Variants in COL28A1 observed in about 807,000 individuals in gnomAD.
COL28A1 encodes the protein collagen alpha-1(XXVIII) chain.
In COL28A1, 161 loss-of-function variants were observed where a neutral mutation model predicts 150.2. The ratio of observed to expected loss-of-function variants is 1.07; its 90% CI spans 0.94 to 1.22. The LOEUF (loss-of-function observed/expected upper bound fraction) is 1.22, where lower values mean the gene tolerates loss of function less well. Among genes scored for constraint, COL28A1 ranks in the 50% most tolerant of loss-of-function variants. The pLI is 0.00. For missense variants in COL28A1, 1,617 were observed against 1,388.3 expected, an observed-to-expected ratio of 1.16 and a Z score of -2.62; for synonymous variants, 552 against 469.7, an observed-to-expected ratio of 1.18 and a Z score of -2.26.
At chr7:7,350,691 A>G in the COL28A1 span, among the ~76,000 whole-genome samples, 1 of 140,894 alleles carries the variant, frequency 7.1e-6, no homozygotes, top group Non-Finnish European at 1.5e-5. Context: ...GCTGAAGGCA[A>G]GTCTCAGCAG....
At chr7:7,517,479 ATTCT>A (rs1457235105) in intron 7 of COL28A1, among the ~76,000 whole-genome samples, 1 of 152,184 alleles carries the variant, frequency 6.6e-6, no homozygotes, top group Non-Finnish European at 1.5e-5. Flanking sequence ...ATTCTAACTT[ATTCT>A]TTATCTTAAA....
intron 33 of COL28A1, among the ~76,000 whole-genome samples, chr7:7,362,312 G>C (rs919003343): frequency 2.0e-5 from 3 of 151,880 alleles, no homozygotes; most frequent in Non-Finnish European, 4.4e-5. Flanking sequence ...ATTCACCTGA[G>C]TCCTGACACT....
Position 7,361,853 on chromosome 7 carries a change from T to TAAA in COL28A1, c.3067-1328_3067-1326dup, listed in dbSNP as rs3067776. ...TACACCATGGAATACTATGCAGCCA[T>TAAA]AAAAACATGAGTTCATGTCCTTTGC... is the stretch of plus-strand genomic sequence containing the variant. On this transcript the variant is annotated intron_variant, in intron 33 of 34. Coordinates refer to ENST00000399429, the MANE Select transcript of COL28A1 (RefSeq NM_001037763.3). Among the ~76,000 whole-genome samples the TAAA allele has an allele frequency of 3.4e-4, 50 of 148,722 alleles. No individual in the cohort carries two copies. The East Asian group carries it at 8.8e-3, about 26-fold the overall frequency.
intron 15 of COL28A1, among the ~76,000 whole-genome samples, chr7:7,471,125 T>TAAAAAAAAAAAAAAAAAA (rs746981344): frequency 1.7e-4 from 15 of 88,504 alleles, no homozygotes; most frequent in Non-Finnish European, 2.1e-4. Context: ...AAAAAATAAT[T>TAAAAAAAAAAAAAAAAAA]AAAAAAAAAA....
downstream of COL28A1, among the ~76,000 whole-genome samples, chr7:7,352,989 C>G (rs1011903784): frequency 6.6e-6 from 1 of 152,258 alleles, no homozygotes; most frequent in Middle Eastern, 3.4e-3. Flanking sequence ...AAAGGTGAAG[C>G]CTGGGGCTGA....
At chr7:7,378,268 T>A (rs1781673405) in intron 30 of COL28A1, among the ~76,000 whole-genome samples, 1 of 152,192 alleles carries the variant, frequency 6.6e-6, no homozygotes, top group Admixed American at 6.5e-5. Context: ...CCACATTTGA[T>A]AAACACATTC....
chr7:7,524,246 T>A lies in COL28A1; in HGVS notation c.685A>T (p.Ile229Phe). ...GTGCTTACCTTCTTTTCAAATAAGA[T>A]ATCCTACAAGGGAAAAAAGAATGAA... Reference protein sequence around the residue: ...LVDKIQDRLDILFEKKCERKI... With the variant: ...LVDKIQDRLDFLFEKKCERKI... Residue 229 changes from isoleucine (I) to phenylalanine (F), a missense_variant, in exon 4 of 35, where the codon ATC becomes TTC. Ile to Phe is a conservative substitution (Grantham distance 21, BLOSUM62 0). Transcript: ENST00000399429. 1 of 1,367,188 alleles carries A rather than the reference T, an allele frequency of 7.3e-7. No homozygotes were observed. Among genetic ancestry groups the A allele is most frequent in the Non-Finnish European group, 1.0e-6 (1 of 955,112 alleles). The allele number at this position is 1,367,188 out of a possible 1,614,324, so 84.7% of individuals were successfully genotyped here.
chr7:7,515,591 C>A (rs1287037496), intron 8 of COL28A1, among the ~76,000 whole-genome samples: 2 of 152,200 alleles, frequency 1.3e-5, no homozygotes, highest in Non-Finnish European at 2.9e-5. Context: ...GTTTGCAAAG[C>A]TGAAGGAGGC....
the COL28A1 span, among the ~76,000 whole-genome samples, chr7:7,541,706 T>C: frequency 2.6e-5 from 4 of 152,208 alleles, no homozygotes; most frequent in Non-Finnish European, 5.9e-5. Context: ...AGTTGCTTTC[T>C]ACAGCTTTTT....
intron 3 of COL28A1, among the ~76,000 whole-genome samples, chr7:7,529,711 T>G (rs1782240279): frequency 2.0e-5 from 3 of 152,224 alleles, no homozygotes; most frequent in African/African-American, 4.8e-5. Flanking sequence ...TCTTCTATGG[T>G]CAGCTCTTAT....
chr7:7,382,642 A>G (rs1347109813), intron 27 of COL28A1, among the ~76,000 whole-genome samples: 2 of 152,146 alleles, frequency 1.3e-5, no homozygotes, highest in Admixed American at 6.5e-5. Context: ...CTGGATAATT[A>G]TTAGTAATGA....
chr7:7,531,856 C>T lies in COL28A1; in HGVS notation c.173G>A (p.Ser58Asn), dbSNP rs1233331731. 6.2e-7 allele frequency: 1 copy of T among 1,610,006 alleles called. No individual in the cohort carries two copies. Residue 58 changes from serine to asparagine, a missense_variant, in exon 3 of 35, where the codon AGT becomes AAT. Transcript: ENST00000399429. ...DIVFIVDSSE[S>N]SKIALFDKQK... Reference sequence around the variant, plus strand: ...TTTATCAAAGAGGGCAATTTTAGAACTTTCAGAGCTGTCCACGATGAAGAC... The same window carrying T: ...TTTATCAAAGAGGGCAATTTTAGAATTTTCAGAGCTGTCCACGATGAAGAC...
chr7:7,452,524 T>G, intron 17 of COL28A1, 137 bp from the exon 18 acceptor site: 1 of 1,295,488 alleles, frequency 7.7e-7, no homozygotes, highest in Non-Finnish European at 1.0e-6. Context: ...TGAAATCCCT[T>G]CGGGGGATGG....
intron 28 of COL28A1, 54 bp from the exon 29 acceptor site, chr7:7,380,916 TAAGAA>T (rs1781837556): frequency 6.7e-7 from 1 of 1,484,422 alleles, no homozygotes; most frequent in Non-Finnish European, 9.3e-7. Flanking sequence ...AAAAGCCAGA[TAAGAA>T]AAGCTCTATA....
At position 7,463,147 on chromosome 7, in the gene COL28A1, G is replaced by C. The variant is rs543190832; in HGVS notation, c.1303-7035C>G. Among the ~76,000 whole-genome samples, 8 of 152,132 alleles carry C rather than the reference G, an allele frequency of 5.3e-5. No homozygotes were observed. The South Asian group carries it at 1.0e-3, about 20-fold the overall frequency. ...GAGGAAAACTTCCCCACCCCTGCTA[G>C]AGAACTAGATATCAAAATACAAGAA... On this transcript the variant is annotated intron_variant, in intron 15 of 34. Transcript: ENST00000399429.
At chr7:7,418,756 T>A (rs1784239985) in intron 26 of COL28A1, among the ~76,000 whole-genome samples, 1 of 151,676 alleles carries the variant, frequency 6.6e-6, no homozygotes, top group African/African-American at 2.4e-5. Context: ...AAAAAAAAAA[T>A]TAAACAGAAA....
chr7:7,338,516 C>T, the COL28A1 span, among the ~76,000 whole-genome samples: 13 of 151,790 alleles, frequency 8.6e-5, no homozygotes, highest in Admixed American at 2.0e-4. Flanking sequence ...TGTATAGAAC[C>T]GCTACTGATT....
At chr7:7,364,532 A>G (rs1780834522) in intron 33 of COL28A1, among the ~76,000 whole-genome samples, 1 of 152,088 alleles carries the variant, frequency 6.6e-6, no homozygotes, top group Non-Finnish European at 1.5e-5. Context: ...TCTAAGCTCT[A>G]TTGTTCTTTC....
intron 27 of COL28A1, among the ~76,000 whole-genome samples, chr7:7,407,807 T>G (rs1206080286): frequency 6.6e-6 from 1 of 152,046 alleles, no homozygotes; most frequent in African/African-American, 2.4e-5. Context: ...AAATAATATT[T>G]TGGGGGCTTA....
Sources: allele counts gnomAD v4.1 joint callset (sites outside exome capture counted in the v4.1 genomes callset), GRCh38; gene constraint gnomAD v4.1.1; transcripts MANE v1.5; gene names NCBI Gene and HGNC (gene_info 2026-07-23, HGNC 2026-07-21).